FGF14: variants seen among roughly 807,000 people sequenced by gnomAD.
The protein encoded by FGF14 is fibroblast growth factor 14, also known as fibroblast growth factor homologous factor 4.
Under a neutral mutation model 25.5 loss-of-function variants are expected in FGF14, and 5 were observed. The observed-to-expected ratio is 0.20, with a 90% CI of 0.10 to 0.41. The LOEUF is 0.41. FGF14 is among the 10% of genes least tolerant of loss of function. FGF14 has a pLI of 1.00. For missense variants in FGF14, 222 were observed against 320.1 expected (o/e 0.69, Z 2.34); for synonymous variants, 138 against 118.3 (o/e 1.17, Z -1.08).
chr13:101,957,358 T>C (rs34881594), intron 1 of FGF14, among the ~76,000 whole-genome samples: 2 of 151,978 alleles, frequency 1.3e-5, no homozygotes, highest in African/African-American at 4.8e-5. Context: ...AGACACTATA[T>C]ATGTTAGACA....
chr13:102,368,246 G>GA (rs1016723560), intron 1 of FGF14, among the ~76,000 whole-genome samples: 4 of 152,128 alleles, frequency 2.6e-5, no homozygotes, highest in Admixed American at 2.0e-4. Context: ...AATTAAATGA[G>GA]AAAATACATC....
chr13:102,068,407 G>T lies in FGF14; in HGVS notation c.209-193111C>A, dbSNP rs374175696. On this transcript the variant is annotated intron_variant, in intron 1 of 4. Transcript: ENST00000376131. ...GAGCCCTTCAGCCCACCGCTGCACTGTGGGAGCCCCTTTCTGGGCTGGCCA... is the reference window on the plus strand; with the variant it reads ...GAGCCCTTCAGCCCACCGCTGCACTTTGGGAGCCCCTTTCTGGGCTGGCCA... Among the ~76,000 whole-genome samples, 4 of 152,356 alleles carry T rather than the reference G, an allele frequency of 2.6e-5. No individual in the cohort carries two copies. The South Asian group carries it at 8.3e-4, about 32-fold the overall frequency.
intron 3 of FGF14, among the ~76,000 whole-genome samples, chr13:101,811,575 G>C (rs1443363597): frequency 6.6e-6 from 1 of 152,188 alleles, no homozygotes; most frequent in East Asian, 1.9e-4. Context: ...ATAAACATCT[G>C]TGTGCATTTT....
At chr13:101,861,520 C>T (rs1448439533) in intron 3 of FGF14, among the ~76,000 whole-genome samples, 2 of 151,266 alleles carry the variant, frequency 1.3e-5, no homozygotes, top group African/African-American at 2.4e-5. Flanking sequence ...ATTTTTTCCA[C>T]CCCTTTAATT....
intron 1 of FGF14, among the ~76,000 whole-genome samples, chr13:101,904,295 A>C (rs894384240): frequency 6.6e-6 from 1 of 152,178 alleles, no homozygotes; most frequent in African/African-American, 2.4e-5. Context: ...GGATAGTGGT[A>C]AATAATACTG....
intron 1 of FGF14, among the ~76,000 whole-genome samples, chr13:101,972,720 G>A (rs974571347): frequency 6.6e-6 from 1 of 151,944 alleles, no homozygotes; most frequent in African/African-American, 2.4e-5. Context: ...TATTGCCCAG[G>A]CAGGTCTCGA....
intron 1 of FGF14, among the ~76,000 whole-genome samples, chr13:102,060,442 C>T (rs1320642088): frequency 6.6e-6 from 1 of 152,174 alleles, no homozygotes. Flanking sequence ...CAGAGAATGG[C>T]ATGAACCCGG....
chr13:101,844,729 C>A (rs541678204), intron 3 of FGF14, among the ~76,000 whole-genome samples: 1 of 152,112 alleles, frequency 6.6e-6, no homozygotes, highest in South Asian at 2.1e-4. Context: ...AAAATATAAT[C>A]TCCCTATATC....
At chr13:102,082,974 GA>G (rs1403541046) in intron 1 of FGF14, among the ~76,000 whole-genome samples, 1 of 151,568 alleles carries the variant, frequency 6.6e-6, no homozygotes, top group Non-Finnish European at 1.5e-5. Flanking sequence ...AAGAAAAAAA[GA>G]GTACTTTGGT....
chr13:102,026,090 G>C (rs2040911180), intron 1 of FGF14, among the ~76,000 whole-genome samples: 1 of 151,742 alleles, frequency 6.6e-6, no homozygotes, highest in African/African-American at 2.4e-5. Context: ...GCTTTTTTTT[G>C]GTAGATGTCT....
chr13:101,942,421 T>C (rs9582538), intron 1 of FGF14, among the ~76,000 whole-genome samples: 2,574 of 152,312 alleles, frequency 0.017, 84 homozygotes, highest in African/African-American at 0.058. Context: ...GAAAATATTA[T>C]TAAGAAATAA....
At chr13:101,838,439 C>T (rs1278036923) in intron 3 of FGF14, among the ~76,000 whole-genome samples, 1 of 151,942 alleles carries the variant, frequency 6.6e-6, no homozygotes, top group Non-Finnish European at 1.5e-5. Context: ...CACAGTGATT[C>T]ATCCTAAAGC....
intron 3 of FGF14, among the ~76,000 whole-genome samples, chr13:101,846,111 G>A (rs551194577): frequency 6.6e-6 from 1 of 151,840 alleles, no homozygotes. Context: ...TGTAGTTTAA[G>A]TTTTAAAACT....
chr13:102,336,825 G>C (rs1337523268), intron 1 of FGF14, among the ~76,000 whole-genome samples: 1 of 152,112 alleles, frequency 6.6e-6, no homozygotes, highest in Admixed American at 6.6e-5. Flanking sequence ...TTATGTACCT[G>C]TCCTCTATAA....
Position 102,161,720 on chromosome 13 carries a change from A to G in FGF14, c.208+239751T>C, listed in dbSNP as rs544559907. Among the ~76,000 whole-genome samples the G allele has an allele frequency of 2.3e-4, 35 of 150,610 alleles. No homozygotes were observed. In the South Asian group the frequency reaches 4.7e-3, roughly 20 times the overall value. On this transcript the variant is annotated intron_variant, in intron 1 of 4. Coordinates refer to the FGF14 transcript ENST00000376131. Reference sequence around the variant, plus strand: ...AAGAAGAAGAAGAAGAAGAAGAAGAAGAAGAATAGAAATGTGTTTAAGAAT... The same window carrying G: ...AAGAAGAAGAAGAAGAAGAAGAAGAGGAAGAATAGAAATGTGTTTAAGAAT...
chr13:102,171,159 C>G (rs1008573791), intron 1 of FGF14, among the ~76,000 whole-genome samples: 21 of 152,064 alleles, frequency 1.4e-4, no homozygotes, highest in Non-Finnish European at 2.8e-4. Context: ...TTAAAAAATA[C>G]TTGCACAAAG....
chr13:102,386,057 C>G (rs529642455), intron 1 of FGF14, among the ~76,000 whole-genome samples: 1 of 151,768 alleles, frequency 6.6e-6, no homozygotes, highest in Non-Finnish European at 1.5e-5. Context: ...AGTACTAACT[C>G]TTATTATTTT....
intron 1 of FGF14, among the ~76,000 whole-genome samples, chr13:101,949,365 C>T (rs370298302): frequency 2.0e-5 from 3 of 152,244 alleles, no homozygotes; most frequent in East Asian, 3.9e-4. Context: ...GGAGTCCTTT[C>T]TGTCTAGAAA....
At chr13:101,751,643 C>T (rs186074741) in intron 3 of FGF14, among the ~76,000 whole-genome samples, 3 of 152,176 alleles carry the variant, frequency 2.0e-5, no homozygotes, top group Admixed American at 6.6e-5. Flanking sequence ...TACAGCCTGC[C>T]AACTGTTTAA....
Sources: allele counts gnomAD v4.1 joint callset (sites outside exome capture counted in the v4.1 genomes callset), GRCh38; gene constraint gnomAD v4.1.1; transcripts MANE v1.5; gene names NCBI Gene and HGNC (gene_info 2026-07-23, HGNC 2026-07-21).